PRR11: variants seen among roughly 807,000 people sequenced by gnomAD.
The protein encoded by PRR11 is proline rich 11, also known as proline-rich protein 11.
PRR11 carries 30 observed loss-of-function variants against 45.6 expected under a neutral mutation model. The ratio of observed to expected loss-of-function variants is 0.66; its 90% confidence interval spans 0.49 to 0.89. The LOEUF (loss-of-function observed/expected upper bound fraction) is 0.89, where lower values mean the gene tolerates loss of function less well. PRR11 is among the 40% of genes least tolerant of loss of function. PRR11 has a pLI of 0.00. For synonymous variants in PRR11, 128 were observed against 153.5 expected (o/e 0.83, Z 1.23); for missense variants, 373 against 424.8 (o/e 0.88, Z 1.07).
At chr17:59,175,061 G>T in intron 2 of PRR11, 1 of 591,940 alleles carries the variant, frequency 1.7e-6, no homozygotes, top group South Asian at 1.7e-5. Flanking sequence ...GGTTCTTCCC[G>T]TACAGGAAGT....
At position 59,173,797 on chromosome 17, in the gene PRR11, A is replaced by G. The variant is rs560588290; in HGVS notation, c.128+3917A>G. ...ATCACTCTATTCAGCTCCGTCTAGAACAGTCCAGGTTCTTCTAGATGATCT... is the reference window on the plus strand; with the variant it reads ...ATCACTCTATTCAGCTCCGTCTAGAGCAGTCCAGGTTCTTCTAGATGATCT... On this transcript the variant is annotated intron_variant, in intron 2 of 9. Coordinates refer to ENST00000262293, the MANE Select transcript of PRR11 (RefSeq NM_018304.4). 4.2e-3 allele frequency among the ~76,000 whole-genome samples: 641 copies of G among 152,322 alleles called. 3 individuals carry two copies. The highest frequency in any genetic ancestry group is 6.8e-3 in the Non-Finnish European group (463 of 68,020).
intron 4 of PRR11, among the ~76,000 whole-genome samples, chr17:59,187,988 A>AC (rs996118375): frequency 6.6e-6 from 1 of 152,116 alleles, no homozygotes; most frequent in Non-Finnish European, 1.5e-5. Flanking sequence ...TTATCCTACT[A>AC]CCCCTATTAA....
rs2046916262 is a variant in PRR11, at chr17:59,205,938, C to T, written c.*4307C>T. On this transcript the variant is annotated 3_prime_UTR_variant, in exon 10 of 10. Coordinates refer to ENST00000262293, the MANE Select transcript of PRR11 (RefSeq NM_018304.4). ...TGGTGGCATGTGCCTATAGTCTCAGCTTCTCAGAAGACTGAGGCGTGAGAA... is the reference window on the plus strand; with the variant it reads ...TGGTGGCATGTGCCTATAGTCTCAGTTTCTCAGAAGACTGAGGCGTGAGAA... Among the ~76,000 whole-genome samples, 1 of 151,938 alleles carries T rather than the reference C, an allele frequency of 6.6e-6. No homozygotes were observed. The highest frequency in any genetic ancestry group is 2.4e-5 in the African/African-American group (1 of 41,358).
At chr17:59,159,749 A>G (rs1257465860) in intron 1 of PRR11, among the ~76,000 whole-genome samples, 1 of 152,130 alleles carries the variant, frequency 6.6e-6, no homozygotes, top group African/African-American at 2.4e-5. Flanking sequence ...AAATGTTTCC[A>G]TGTTATTCCC....
At chr17:59,174,888 C>T (rs2046734701) in intron 2 of PRR11, 1 of 1,176,496 alleles carries the variant, frequency 8.5e-7, no homozygotes. Context: ...GGATACCCCT[C>T]CCTCCCCTTG....
intron 2 of PRR11, among the ~76,000 whole-genome samples, chr17:59,181,134 C>T (rs755335523): frequency 3.3e-5 from 5 of 151,604 alleles, no homozygotes; most frequent in Non-Finnish European, 2.9e-5. Flanking sequence ...GGACTACAGG[C>T]GCCCACCACC....
At chr17:59,164,497 C>T (rs1230452256) in intron 1 of PRR11, among the ~76,000 whole-genome samples, 3 of 151,966 alleles carry the variant, frequency 2.0e-5, no homozygotes, top group Non-Finnish European at 4.4e-5. Context: ...TAAGACCAGC[C>T]TGGGCAACAG....
intron 2 of PRR11, chr17:59,179,622 G>C: frequency 1.3e-6 from 2 of 1,516,176 alleles, no homozygotes; most frequent in Non-Finnish European, 1.8e-6. Flanking sequence ...AACAGGATTG[G>C]AGGTGCTCTC....
chr17:59,171,509 G>T (rs1334249311), intron 2 of PRR11, among the ~76,000 whole-genome samples: 2 of 151,982 alleles, frequency 1.3e-5, no homozygotes, highest in Admixed American at 1.3e-4. Context: ...AGGATAAAAA[G>T]AATCCTCTCT....
intron 2 of PRR11, among the ~76,000 whole-genome samples, chr17:59,179,092 C>T (rs1183790532): frequency 2.6e-5 from 4 of 152,216 alleles, no homozygotes; most frequent in African/African-American, 9.6e-5. Flanking sequence ...CTCGGCCTCC[C>T]GAGTTCAAGC....
chr17:59,193,408 TG>T (rs1319297162), intron 4 of PRR11, 83 bp from the exon 5 acceptor site: 2 of 1,506,048 alleles, frequency 1.3e-6, no homozygotes, highest in African/African-American at 2.7e-5. Flanking sequence ...ATTCAATACA[TG>T]GTAGCTATTA....
intron 9 of PRR11, among the ~76,000 whole-genome samples, chr17:59,201,014 T>C (rs990730179): frequency 6.6e-5 from 10 of 152,092 alleles, no homozygotes; most frequent in African/African-American, 1.9e-4. Flanking sequence ...ATTAGTTCTT[T>C]AGTGGTGATT....
rs2046919111 is a variant in PRR11, at chr17:59,206,553, TC to T, written c.*4923del. On this transcript the variant is annotated 3_prime_UTR_variant, in exon 10 of 10. Transcript: ENST00000262293. ...TTTTATATTGTAACCATTTGAGAAC[TC>T]TGTAAGTGCTATGGCTTCCTTAAAC... is the stretch of plus-strand genomic sequence containing the variant. 1.3e-5 allele frequency among the ~76,000 whole-genome samples: 2 copies of T among 152,210 alleles called. No homozygotes were observed. Among genetic ancestry groups the T allele is most frequent in the African/African-American group, 4.8e-5 (2 of 41,448 alleles).
chr17:59,173,357 A>G (rs1276708022), intron 2 of PRR11, among the ~76,000 whole-genome samples: 1 of 152,074 alleles, frequency 6.6e-6, no homozygotes, highest in African/African-American at 2.4e-5. Flanking sequence ...GGCCACTTTC[A>G]CGCTGTGGAA....
At chr17:59,160,895 AT>A (rs750099483) in intron 1 of PRR11, 112 of 143,118 alleles carry the variant, frequency 7.8e-4, no homozygotes, top group Admixed American at 1.4e-3. Flanking sequence ...CCACGCCAGG[AT>A]TTTTTTTTTT....
intron 2 of PRR11, among the ~76,000 whole-genome samples, chr17:59,183,730 T>C (rs1391625825): frequency 6.6e-6 from 1 of 152,222 alleles, no homozygotes; most frequent in Non-Finnish European, 1.5e-5. Flanking sequence ...TCATATGTAT[T>C]GCTCTGAACT....
chr17:59,185,039 T>C lies in PRR11; in HGVS notation c.129-15T>C. On this transcript the variant is annotated splice_polypyrimidine_tract_variant and intron_variant, in intron 2 of 9. Transcript: ENST00000262293. ...TTAGGGGTTTTTTATTTGTTTCATT[T>C]TGTTTTTCCTACAGAGTCGGTATTT... 1.2e-6 allele frequency: 2 copies of C among 1,610,118 alleles called. No homozygotes were observed. The highest frequency in any genetic ancestry group is 1.7e-6 in the Non-Finnish European group (2 of 1,177,734).
chr17:59,176,007 A>T (rs2147842195), intron 2 of PRR11, among the ~76,000 whole-genome samples: 1 of 152,330 alleles, frequency 6.6e-6, no homozygotes, highest in Non-Finnish European at 1.5e-5. Context: ...CAGATGACGT[A>T]ATCCCAATAT....
intron 1 of PRR11, among the ~76,000 whole-genome samples, chr17:59,156,292 G>C (rs762963932): frequency 7.9e-5 from 12 of 152,206 alleles, no homozygotes; most frequent in Admixed American, 1.3e-4. Context: ...TGCTGTTAGA[G>C]TGTCAATTTT....
Sources: gnomAD v4.1 joint callset for allele counts (sites outside exome capture counted in the v4.1 genomes callset) on GRCh38, gnomAD v4.1.1 for gene constraint, MANE v1.5 for transcripts, NCBI Gene and HGNC (gene_info 2026-07-23, HGNC 2026-07-21) for gene names.